The following MAGI2 variants were observed in gnomAD, a reference collection of about 807,000 sequenced individuals.
MAGI2 encodes the protein membrane-associated guanylate kinase, WW and PDZ domain-containing protein 2.
MAGI2 carries 35 observed loss-of-function variants against 133.3 expected under a neutral mutation model. The observed-to-expected ratio is 0.26, with a 90% CI of 0.20 to 0.35. The LOEUF is 0.35. Among genes scored for constraint, MAGI2 ranks in the 10% least tolerant of loss-of-function variants. MAGI2 has a pLI of 1.00. For missense variants in MAGI2, 1,636 were observed against 1,863.4 expected, an observed-to-expected ratio of 0.88 and a Z score of 2.25; for synonymous variants, 729 against 710.6, an observed-to-expected ratio of 1.03 and a Z score of -0.41.
intron 1 of MAGI2, among the ~76,000 whole-genome samples, chr7:79,286,256 A>G (rs956964392): frequency 6.6e-6 from 1 of 152,092 alleles, no homozygotes; most frequent in Non-Finnish European, 1.5e-5. Context: ...TAAAGTCTTT[A>G]GTGTATGCCT....
intron 20 of MAGI2, among the ~76,000 whole-genome samples, chr7:78,120,196 A>G (rs550782539): frequency 6.6e-5 from 10 of 152,230 alleles, no homozygotes; most frequent in African/African-American, 2.2e-4. Flanking sequence ...AGGTCAGGAG[A>G]TTGAGACCAT....
At chr7:79,196,462 G>T (rs758498389) in intron 1 of MAGI2, among the ~76,000 whole-genome samples, 2 of 151,818 alleles carry the variant, frequency 1.3e-5, no homozygotes, top group Non-Finnish European at 2.9e-5. Flanking sequence ...CTTGCTATTT[G>T]TTGTTATTTT....
intron 6 of MAGI2, among the ~76,000 whole-genome samples, chr7:78,377,339 G>C (rs1322017057): frequency 1.3e-5 from 2 of 152,040 alleles, no homozygotes; most frequent in Non-Finnish European, 2.9e-5. Flanking sequence ...GGTGTAGCAG[G>C]TGTGAGGTAA....
At chr7:78,426,497 C>A (rs1199773998) in intron 6 of MAGI2, among the ~76,000 whole-genome samples, 1 of 151,980 alleles carries the variant, frequency 6.6e-6, no homozygotes, top group African/African-American at 2.4e-5. Flanking sequence ...GGGAGATATA[C>A]CTAATGCTAG....
chr7:78,361,565 G>C (rs1792814420), intron 7 of MAGI2, among the ~76,000 whole-genome samples: 1 of 152,072 alleles, frequency 6.6e-6, no homozygotes, highest in African/African-American at 2.4e-5. Context: ...ATGTTTGAGA[G>C]TTATAAAAAT....
At chr7:78,465,463 T>C (rs1306459661) in intron 6 of MAGI2, among the ~76,000 whole-genome samples, 1 of 152,216 alleles carries the variant, frequency 6.6e-6, no homozygotes, top group African/African-American at 2.4e-5. Flanking sequence ...TGAGAAATCC[T>C]TAGGCTATTC....
At chr7:78,020,507 T>G (rs1404119310) in intron 21 of MAGI2, among the ~76,000 whole-genome samples, 1 of 152,152 alleles carries the variant, frequency 6.6e-6, no homozygotes, top group Non-Finnish European at 1.5e-5. Context: ...TCTTTTGGCT[T>G]CTTTGGGCTA....
rs570476490 is a variant in MAGI2 at position 78,387,200 on chromosome 7, G to A, written c.1046-17987C>T. ...GCTCAAGTGGAGATGTAAAGACAGA[G>A]TCAGAAATCAATGTGTGACATTCAT... is the stretch of plus-strand genomic sequence containing the variant. On this transcript the variant is annotated intron_variant, in intron 6 of 21. Transcript: ENST00000354212. Among the ~76,000 whole-genome samples, 8 of 152,308 alleles carry A rather than the reference G, an allele frequency of 5.3e-5. No homozygotes were observed. In the South Asian group the frequency reaches 6.2e-4, roughly 12 times the overall value.
chr7:78,483,145 C>A (rs1563066024), intron 6 of MAGI2, among the ~76,000 whole-genome samples: 1 of 151,610 alleles, frequency 6.6e-6, no homozygotes, highest in Non-Finnish European at 1.5e-5. Context: ...TGTCTAAAAC[C>A]TTCCTGTAAA....
chr7:78,286,975 C>A (rs984482880), intron 9 of MAGI2, among the ~76,000 whole-genome samples: 1 of 152,164 alleles, frequency 6.6e-6, no homozygotes, highest in African/African-American at 2.4e-5. Flanking sequence ...CGACATAAGG[C>A]TGCACATGGT....
At chr7:78,625,217 C>T (rs190644209) in intron 3 of MAGI2, among the ~76,000 whole-genome samples, 5 of 151,440 alleles carry the variant, frequency 3.3e-5, no homozygotes, top group East Asian at 1.9e-4. Context: ...AATTTGACAT[C>T]GAGAGATAAA....
chr7:79,203,048 A>C (rs1828748891), intron 1 of MAGI2, among the ~76,000 whole-genome samples: 1 of 152,026 alleles, frequency 6.6e-6, no homozygotes, highest in South Asian at 2.1e-4. Context: ...ATTTTAGTAC[A>C]GAGCACATAT....
At chr7:78,322,500 T>C (rs995953072) in intron 9 of MAGI2, among the ~76,000 whole-genome samples, 2 of 152,114 alleles carry the variant, frequency 1.3e-5, no homozygotes, top group African/African-American at 4.8e-5. Context: ...CTCAGCAAAC[T>C]AACACAAAAA....
Position 78,553,105 on chromosome 7 carries a change from A to AC in MAGI2, c.539-31461_539-31460insG, listed in dbSNP as rs1554471572. ...AATCAACTTTAAATTAAAAAAAAAA[A>AC]AAACAAACACCAAAGTGTATTCCAG... On this transcript the variant is annotated intron_variant, in intron 3 of 21. Transcript: ENST00000354212. 2.0e-3 allele frequency among the ~76,000 whole-genome samples: 298 copies of AC among 151,784 alleles called. 4 individuals carry two copies. Among genetic ancestry groups the AC allele is most frequent in the African/African-American group, 6.7e-3 (277 of 41,356 alleles).
chr7:78,256,068 C>A lies in MAGI2; in HGVS notation c.1922G>T (p.Cys641Phe). 1 of 1,613,750 alleles carries A rather than the reference C, an allele frequency of 6.2e-7. No homozygotes were observed. The highest frequency in any genetic ancestry group is 8.5e-7 in the Non-Finnish European group (1 of 1,179,898). ...ILDIQGCPGLCEGDLIVEINQ... is the reference protein window; with the variant it reads ...ILDIQGCPGLFEGDLIVEINQ... ...GATCTCAACAATGAGGTCGCCTTCA[C>A]ACAGGCCAGGGCATCCCTGAATGTC... Residue 641 changes from cysteine (C) to phenylalanine (F), a missense_variant, in exon 10 of 22, where the codon TGT (cysteine) becomes TTT (phenylalanine). Transcript: ENST00000354212.
chr7:79,258,724 G>T (rs934176374), intron 1 of MAGI2, among the ~76,000 whole-genome samples: 2 of 152,112 alleles, frequency 1.3e-5, no homozygotes, highest in African/African-American at 4.8e-5. Context: ...TGAACTCCTC[G>T]GCTCAAGGGA....
chr7:79,159,627 G>T (rs142118341), intron 1 of MAGI2, among the ~76,000 whole-genome samples: 28 of 151,602 alleles, frequency 1.8e-4, no homozygotes, highest in African/African-American at 6.8e-4. Flanking sequence ...GTTTAAACAA[G>T]ATTTTATTAC....
At chr7:79,362,857 A>G (rs752881970) in intron 1 of MAGI2, among the ~76,000 whole-genome samples, 1 of 151,974 alleles carries the variant, frequency 6.6e-6, no homozygotes, top group Non-Finnish European at 1.5e-5. Flanking sequence ...TTAGTGATGA[A>G]AGACTGAATG....
intron 2 of MAGI2, among the ~76,000 whole-genome samples, chr7:78,638,274 C>T (rs886702671): frequency 5.9e-5 from 9 of 152,142 alleles, no homozygotes; most frequent in Non-Finnish European, 1.2e-4. Context: ...TCCTTGACCA[C>T]TGATATACAA....
Sources: gnomAD v4.1 joint callset for allele counts (sites outside exome capture counted in the v4.1 genomes callset) on GRCh38, gnomAD v4.1.1 for gene constraint, MANE v1.5 for transcripts, NCBI Gene and HGNC (gene_info 2026-07-23, HGNC 2026-07-21) for gene names.